The following MRO variants were observed in gnomAD, a reference collection of about 807,000 sequenced individuals.
MRO encodes the protein maestro, also known as protein maestro.
Under a neutral mutation model 31.0 loss-of-function variants are expected in MRO, and 28 were observed. The ratio of observed to expected loss-of-function variants is 0.90; its 90% CI spans 0.67 to 1.24. The LOEUF is 1.24. MRO is among the 50% of genes most tolerant of loss of function. The pLI is 0.00. For missense variants in MRO, 332 were observed against 289.2 expected (o/e 1.15, Z -1.07); for synonymous variants, 108 against 108.4 (o/e 1.00, Z 0.02).
At chr18:50,801,933 C>G (rs1913374984) in intron 5 of MRO, among the ~76,000 whole-genome samples, 1 of 152,122 alleles carries the variant, frequency 6.6e-6, no homozygotes, top group Non-Finnish European at 1.5e-5. Context: ...TTTTCCTCCC[C>G]ACAAGCTAAT....
intron 7 of MRO, among the ~76,000 whole-genome samples, chr18:50,799,737 C>A (rs571709887): frequency 2.0e-5 from 3 of 151,952 alleles, no homozygotes; most frequent in Non-Finnish European, 4.4e-5. Flanking sequence ...GTGGTGAAAC[C>A]CCATCTCTAC....
rs1252744296 is a variant in MRO at position 50,800,137 on chromosome 18, TGCAA to T, written c.588_591del (p.Cys197LysfsTer11). On this transcript the variant is annotated frameshift_variant and splice_region_variant, in exon 7 of 8. Transcript: ENST00000398439. LOFTEE classifies it high-confidence loss of function. ...GGAGAACAGGCTTGAAATGTTGTTT[TGCAA>T]GCCTGAGAAAAATAATATTACTATT... The T allele has an allele frequency of 1.2e-6, 2 of 1,605,316 alleles. No homozygotes were observed. Among genetic ancestry groups the T allele is most frequent in the Non-Finnish European group, 1.7e-6 (2 of 1,174,058 alleles).
At chr18:50,800,209 T>A (rs1044305262) in intron 6 of MRO, 66 bp from the exon 7 acceptor site, 3 of 1,158,686 alleles carry the variant, frequency 2.6e-6, no homozygotes, top group Non-Finnish European at 3.7e-6. Context: ...AGGAAAAGTA[T>A]CCTAGAGGAT....
intron 2 of MRO, among the ~76,000 whole-genome samples, chr18:50,818,724 T>G (rs946531883): frequency 6.6e-5 from 10 of 152,198 alleles, no homozygotes; most frequent in African/African-American, 2.4e-4. Flanking sequence ...AACTGTTAGA[T>G]TGCTTAAAAA....
chr18:50,823,049 T>C (rs979144576), upstream of MRO, among the ~76,000 whole-genome samples: 3 of 152,102 alleles, frequency 2.0e-5, no homozygotes, highest in South Asian at 2.1e-4. Context: ...CATCTACTCC[T>C]GCGCTTAGTG....
At chr18:50,819,804 T>C in intron 1 of MRO, 93 bp downstream of exon 1, 1 of 1,541,294 alleles carries the variant, frequency 6.5e-7, no homozygotes, top group Non-Finnish European at 8.8e-7. Context: ...GAGGGGAAAG[T>C]CAAAGTTTAT....
chr18:50,800,047 A>G lies in MRO; in HGVS notation c.682T>C (p.Tyr228His), dbSNP rs985727668. The G allele has an allele frequency of 1.9e-6, 3 of 1,609,564 alleles. No individual in the cohort carries two copies. The highest frequency in any genetic ancestry group is 2.7e-5 in the African/African-American group (2 of 74,968). The change falls in exon 7 of 8, where the codon TAC becomes CAC. Residue 228 changes from tyrosine (Y) to histidine (H), a missense_variant. Physicochemically the swap from Tyr to His is moderately conservative, Grantham distance 83. Transcript: ENST00000398439. The part of the protein sequence containing the change: ...SEEDQRNTKL[Y>H]QQLSHYHPEI... ...CCTGGCTCACTCACCAGCTGCTGGT[A>G]GAGCTTAGTGTTCCTTTGATCTTCT...
At chr18:50,813,082 T>A (rs1914602337) in intron 2 of MRO, among the ~76,000 whole-genome samples, 1 of 152,136 alleles carries the variant, frequency 6.6e-6, no homozygotes, top group African/African-American at 2.4e-5. Context: ...CAGCTGTACT[T>A]TGGAACATTT....
chr18:50,796,642 T>C lies in MRO; in HGVS notation c.*2695A>G, dbSNP rs1047852495. On this transcript the variant is annotated 3_prime_UTR_variant, in exon 8 of 8. Coordinates refer to ENST00000398439, the MANE Select transcript of MRO (RefSeq NM_031939.6). ...GCAGGGAGGGGACTCAACACAGAAATAGCAGACTGAGCAAAGGTGAGGGGG... is the reference window on the plus strand; with the variant it reads ...GCAGGGAGGGGACTCAACACAGAAACAGCAGACTGAGCAAAGGTGAGGGGG... The C allele has an allele frequency of 1.3e-5, 2 of 152,050 alleles. No individual in the cohort carries two copies. The highest frequency in any genetic ancestry group is 2.1e-4 in the South Asian group (1 of 4,814). 9.4% of individuals were successfully genotyped at this position (152,050 alleles called of 1,614,324 possible).
upstream of MRO, among the ~76,000 whole-genome samples, chr18:50,824,613 C>T (rs575298812): frequency 6.6e-6 from 1 of 150,952 alleles, no homozygotes; most frequent in Non-Finnish European, 1.5e-5. Flanking sequence ...TGCCACCATG[C>T]CTGACTAATT....
intron 5 of MRO, among the ~76,000 whole-genome samples, chr18:50,803,715 T>C (rs147094746): frequency 6.6e-6 from 1 of 152,330 alleles, no homozygotes; most frequent in East Asian, 1.9e-4. Context: ...GAGACACATG[T>C]GCCCAGCTCC....
chr18:50,813,897 T>C (rs1257962159), intron 2 of MRO, among the ~76,000 whole-genome samples: 2 of 152,148 alleles, frequency 1.3e-5, no homozygotes, highest in Non-Finnish European at 2.9e-5. Flanking sequence ...ACCATGCTTA[T>C]TACCTGAGTG....
At chr18:50,812,119 C>A (rs2144645834) in intron 2 of MRO, among the ~76,000 whole-genome samples, 1 of 152,242 alleles carries the variant, frequency 6.6e-6, no homozygotes, top group Admixed American at 6.5e-5. Context: ...TTTTACATAC[C>A]CACCAGCAAC....
Position 50,800,139 on chromosome 18 carries a change from C to T in MRO, c.590G>A (p.Cys197Tyr), listed in dbSNP as rs1913158711. The T allele has an allele frequency of 4.4e-6, 7 of 1,601,414 alleles. No individual in the cohort carries two copies. The East Asian group carries it at 1.3e-4, about 31-fold the overall frequency. Residue 197 changes from cysteine (C) to tyrosine (Y), a missense_variant, in exon 7 of 8, where the codon TGC (cysteine) becomes TAC (tyrosine). Transcript: ENST00000398439. ...AGAACAGGCTTGAAATGTTGTTTTGCAAGCCTGAGAAAAATAATATTACTA... is the reference window on the plus strand; with the variant it reads ...AGAACAGGCTTGAAATGTTGTTTTGTAAGCCTGAGAAAAATAATATTACTA... Reference protein sequence around the residue: ...QDRNPQVAKACKTTFQACSPY... With the variant: ...QDRNPQVAKAYKTTFQACSPY...
At chr18:50,824,371 G>A (rs749712322), upstream of MRO, among the ~76,000 whole-genome samples, 1 of 152,032 alleles carries the variant, frequency 6.6e-6, no homozygotes, top group Non-Finnish European at 1.5e-5. Flanking sequence ...AGCTCAGGAG[G>A]TCAAGGCTAA....
At chr18:50,821,636 T>G (rs1311695597), upstream of MRO, among the ~76,000 whole-genome samples, 33 of 152,232 alleles carry the variant, frequency 2.2e-4, no homozygotes. Flanking sequence ...CATCCCCTCC[T>G]CCCCATGAAC....
intron 2 of MRO, among the ~76,000 whole-genome samples, chr18:50,815,948 C>T (rs1192875016): frequency 1.3e-5 from 2 of 151,972 alleles, no homozygotes; most frequent in African/African-American, 2.4e-5. Context: ...GCACGAGAAT[C>T]GCTTGAACCC....
rs201341785 is a variant in MRO, at chr18:50,800,001, C to T, written c.693+35G>A. The T allele has an allele frequency of 7.2e-5, 107 of 1,491,972 alleles. No individual in the cohort carries two copies. In the East Asian group the frequency reaches 8.8e-4, roughly 12 times the overall value. The allele number at this position is 1,491,972 out of a possible 1,614,324, so 92.4% of individuals were successfully genotyped here. A position where few individuals can be genotyped will look rare whatever the true frequency, so the allele number is the denominator to read the frequency against. On this transcript the variant is annotated intron_variant, in intron 7 of 7. Coordinates refer to ENST00000398439, the MANE Select transcript of MRO (RefSeq NM_031939.6). ...TGTTAACCACCAGGAGGGCAGGGAC[C>T]GGAAAAGAATTCTCTCCTACCCTGG...
chr18:50,799,420 G>A lies in MRO; in HGVS notation c.694-30C>T, dbSNP rs760028549. ...AAGAAATTAGCAAAGGTACGCGTGA[G>A]GGCAGGATTCAACAAACTTCCTTGA... On this transcript the variant is annotated intron_variant, in intron 7 of 7. Transcript: ENST00000398439. The A allele has an allele frequency of 7.5e-6, 12 of 1,604,232 alleles. No homozygotes were observed. In the South Asian group the frequency reaches 8.8e-5, roughly 12 times the overall value.
Sources: allele counts gnomAD v4.1 joint callset (sites outside exome capture counted in the v4.1 genomes callset), GRCh38; gene constraint gnomAD v4.1.1; transcripts MANE v1.5; gene names NCBI Gene and HGNC (gene_info 2026-07-23, HGNC 2026-07-21).